The following PRKAA1 variants were observed in gnomAD, a reference collection of about 807,000 sequenced individuals.
PRKAA1 encodes the protein protein kinase AMP-activated catalytic subunit alpha 1.
Under a neutral mutation model 56.9 loss-of-function variants are expected in PRKAA1, and 23 were observed. That is an observed-to-expected ratio of 0.40 (90% CI 0.29 to 0.57). PRKAA1 has a LOEUF of 0.57. Ranked by LOEUF, PRKAA1 falls within the 20% of genes least tolerant of loss-of-function variation. The pLI is 0.39. For missense variants in PRKAA1, 413 were observed against 679.7 expected, an observed-to-expected ratio of 0.61 and a Z score of 4.36; for synonymous variants, 226 against 227.0, an observed-to-expected ratio of 1.00 and a Z score of 0.04.
chr5:40,796,096 C>T (rs1428760853), intron 1 of PRKAA1, among the ~76,000 whole-genome samples: 2 of 152,174 alleles, frequency 1.3e-5, no homozygotes, highest in Non-Finnish European at 2.9e-5. Flanking sequence ...GTGGGTAGAT[C>T]ACCTGAGGTC....
In PRKAA1 at chr5:40,794,932, T is replaced by C. The variant is rs191736622; in HGVS notation, c.127+3131A>G. Among the ~76,000 whole-genome samples, 449 of 151,610 alleles carry C rather than the reference T, an allele frequency of 3.0e-3. 3 individuals carry two copies. Among genetic ancestry groups the C allele is most frequent in the African/African-American group, 0.01 (427 of 41,334 alleles). ...ATGTTTATAGCAGCACAATTCACAATTGCAAAATCGTGGAACCAATCCAAA... is the reference window on the plus strand; with the variant it reads ...ATGTTTATAGCAGCACAATTCACAACTGCAAAATCGTGGAACCAATCCAAA... On this transcript the variant is annotated intron_variant, in intron 1 of 8. Transcript: ENST00000397128.
At position 40,770,278 on chromosome 5, in the gene PRKAA1, C is replaced by A. The variant is rs1457212460; in HGVS notation, c.509-775G>T. Among the ~76,000 whole-genome samples, 3 of 152,158 alleles carry A rather than the reference C, an allele frequency of 2.0e-5. No individual in the cohort carries two copies. The East Asian group carries it at 5.8e-4, about 29-fold the overall frequency. ...AGGAGTTCGAGTCCGGCCTGGCCAA[C>A]ATAGTGATTCCCCATCTCCACCAAA... On this transcript the variant is annotated intron_variant, in intron 4 of 8. Coordinates refer to ENST00000397128, the MANE Select transcript of PRKAA1 (RefSeq NM_006251.6).
At chr5:40,795,017 A>G (rs1744865342) in intron 1 of PRKAA1, among the ~76,000 whole-genome samples, 1 of 152,032 alleles carries the variant, frequency 6.6e-6, no homozygotes, top group African/African-American at 2.4e-5. Flanking sequence ...ATACACACAC[A>G]CACACACACA....
chr5:40,783,716 G>A (rs796558974), intron 1 of PRKAA1, among the ~76,000 whole-genome samples: 25 of 152,168 alleles, frequency 1.6e-4, no homozygotes, highest in African/African-American at 5.5e-4. Flanking sequence ...CGGAGATCAT[G>A]CCACTGCACT....
At chr5:40,787,301 A>G (rs1444977813) in intron 1 of PRKAA1, among the ~76,000 whole-genome samples, 1 of 151,968 alleles carries the variant, frequency 6.6e-6, no homozygotes, top group Non-Finnish European at 1.5e-5. Flanking sequence ...CCCCGTCTCT[A>G]CTAAAAATAC....
chr5:40,766,554 C>T (rs913574385), intron 6 of PRKAA1, among the ~76,000 whole-genome samples: 6 of 151,892 alleles, frequency 4.0e-5, no homozygotes, highest in African/African-American at 1.5e-4. Context: ...CTTTTACCTA[C>T]AAAACAGGAA....
chr5:40,778,549 A>G (rs1438314590), intron 1 of PRKAA1, among the ~76,000 whole-genome samples: 1 of 151,904 alleles, frequency 6.6e-6, no homozygotes, highest in Non-Finnish European at 1.5e-5. Context: ...CACAGACTAA[A>G]ATTTTTCTTT....
chr5:40,776,436 G>C (rs1354986357), intron 2 of PRKAA1, among the ~76,000 whole-genome samples: 1 of 152,206 alleles, frequency 6.6e-6, no homozygotes, highest in African/African-American at 2.4e-5. Flanking sequence ...AGTCAGCAGT[G>C]AGCAAATAAG....
In PRKAA1 at chr5:40,798,207, C is replaced by A; in HGVS notation, c.-18G>T. On this transcript the variant is annotated 5_prime_UTR_variant, in exon 1 of 9. Coordinates refer to ENST00000397128, the MANE Select transcript of PRKAA1 (RefSeq NM_006251.6). ...CTGCGCATGGCGCTGCGGGAGGGGG[C>A]GGAGGGGGCGGGCAGGGCCGCGCCG... 1 of 218,008 alleles carries A rather than the reference C, an allele frequency of 4.6e-6. No homozygotes were observed. Among genetic ancestry groups the A allele is most frequent in the Non-Finnish European group, 7.2e-6 (1 of 138,428 alleles). The allele number at this position is 218,008 out of a possible 1,614,324, so 13.5% of individuals were successfully genotyped here. A position where few individuals can be genotyped will look rare whatever the true frequency, so the allele number is the denominator to read the frequency against.
intron 5 of PRKAA1, 56 bp downstream of exon 5, chr5:40,769,360 C>T (rs1579719791): frequency 7.3e-7 from 1 of 1,367,678 alleles, no homozygotes; most frequent in East Asian, 2.3e-5. Flanking sequence ...CTAACAAAAT[C>T]TAGGAGAAAA....
At chr5:40,783,690 C>T (rs139376411) in intron 1 of PRKAA1, among the ~76,000 whole-genome samples, 6,000 of 151,952 alleles carry the variant, frequency 0.039, 384 homozygotes, top group African/African-American at 0.14. Flanking sequence ...ACCCGAGAGG[C>T]GGAGGTTACA....
chr5:40,775,299 G>T, intron 3 of PRKAA1, 111 bp downstream of exon 3: 1 of 794,844 alleles, frequency 1.3e-6, no homozygotes, highest in Non-Finnish European at 2.2e-6. Context: ...ATATGACTAA[G>T]GGAACTGGTT....
Position 40,762,827 on chromosome 5 carries a change from A to G in PRKAA1, c.1631T>C (p.Ile544Thr), listed in dbSNP as rs769941751. 3 of 1,614,160 alleles carry G rather than the reference A, an allele frequency of 1.9e-6. No individual in the cohort carries two copies. The highest frequency in any genetic ancestry group is 2.2e-5 in the East Asian group (1 of 44,882). Reference protein sequence around the residue: ...DLTPRPGSHTIEFFEMCANLI... With the variant: ...DLTPRPGSHTTEFFEMCANLI... Reference sequence around the variant, plus strand: ...ATTTGCACACATCTCAAAAAATTCTATTGTGTGACTTCCAGGTCTTGGAGT... The same window carrying G: ...ATTTGCACACATCTCAAAAAATTCTGTTGTGTGACTTCCAGGTCTTGGAGT... The change falls in exon 9 of 9, where the codon ATA becomes ACA. Residue 544 changes from isoleucine (I) to threonine (T), a missense_variant. Around this residue, in one of 9 missense-constraint regions of PRKAA1, gnomAD observed 139 missense variants for 171.5 expected, o/e 0.81. Transcript: ENST00000397128.
At chr5:40,786,786 C>CAAAAAAAAAAAAA (rs34749478) in intron 1 of PRKAA1, among the ~76,000 whole-genome samples, 2 of 43,502 alleles carry the variant, frequency 4.6e-5, no homozygotes, top group African/African-American at 1.8e-4. Context: ...ACTAAAAATA[C>CAAAAAAAAAAAAA]AAAAAAAAAA....
chr5:40,772,203 T>A (rs966637282), intron 3 of PRKAA1, among the ~76,000 whole-genome samples: 3 of 152,252 alleles, frequency 2.0e-5, no homozygotes, highest in African/African-American at 7.2e-5. Context: ...GGCAAATGTT[T>A]ACTCTTTCAT....
In PRKAA1 at chr5:40,774,549, ATT is replaced by A. The variant is rs34814119; in HGVS notation, c.363+859_363+860del. Reference sequence around the variant, plus strand: ...CCTGTTTCCCATTTCTCCAGGCAGAATTTTTTTTTTTTTTTTTTTTTTGGTAA... The same window carrying A: ...CCTGTTTCCCATTTCTCCAGGCAGAATTTTTTTTTTTTTTTTTTTTGGTAA... On this transcript the variant is annotated intron_variant, in intron 3 of 8. Coordinates refer to ENST00000397128, the MANE Select transcript of PRKAA1 (RefSeq NM_006251.6). Among the ~76,000 whole-genome samples the A allele has an allele frequency of 3.3e-4, 41 of 125,072 alleles. 1 individual carries two copies. Among genetic ancestry groups the A allele is most frequent in the African/African-American group, 4.6e-4 (15 of 32,518 alleles). The allele number at this position is 125,072 out of a possible 152,430, so 82.1% of individuals were successfully genotyped here. A position where few individuals can be genotyped will look rare whatever the true frequency, so the allele number is the denominator to read the frequency against.
In PRKAA1 at chr5:40,798,185, C is replaced by A. The variant is rs1426382824; in HGVS notation, c.5G>T (p.Arg2Leu). The A allele has an allele frequency of 7.2e-7, 1 of 1,382,962 alleles. No homozygotes were observed. Among genetic ancestry groups the A allele is most frequent in the Admixed American group, 2.0e-5 (1 of 49,236 alleles). The allele number at this position is 1,382,962 out of a possible 1,614,324, so 85.7% of individuals were successfully genotyped here. A position where few individuals can be genotyped will look rare whatever the true frequency, so the allele number is the denominator to read the frequency against. The change falls in exon 1 of 9, where the codon CGC (arginine) becomes CTC (leucine). Residue 2 changes from arginine to leucine, a missense_variant. Around this residue, in one of 9 missense-constraint regions of PRKAA1, gnomAD observed 61 missense variants for 73.1 expected, o/e 0.83. Transcript: ENST00000397128. The stretch of plus-strand genomic sequence containing the variant: ...CATCTTTCTCCAGGAACTGAGTCTG[C>A]GCATGGCGCTGCGGGAGGGGGCGGA... M[R>L]RLSSWRKMAT...
At chr5:40,774,373 T>C (rs926798193) in intron 3 of PRKAA1, among the ~76,000 whole-genome samples, 2 of 152,054 alleles carry the variant, frequency 1.3e-5, no homozygotes, top group Non-Finnish European at 2.9e-5. Flanking sequence ...ACTAAAAAAA[T>C]GAAAATTTCA....
intron 1 of PRKAA1, among the ~76,000 whole-genome samples, chr5:40,778,744 TTC>T (rs922378685): frequency 5.3e-5 from 8 of 151,528 alleles, no homozygotes; most frequent in African/African-American, 1.7e-4. Flanking sequence ...TTTTTTTGGT[TTC>T]TCTGTGTTTT....
Sources: allele counts gnomAD v4.1 joint callset (sites outside exome capture counted in the v4.1 genomes callset), GRCh38; gene constraint gnomAD v4.1.1; regional missense constraint gnomAD v4.1.1; transcripts MANE v1.5; gene names NCBI Gene and HGNC (gene_info 2026-07-23, HGNC 2026-07-21).